Variants in ACOT12 observed in about 807,000 individuals in gnomAD.
ACOT12 encodes acetyl-coenzyme A thioesterase.
In ACOT12, 51 loss-of-function variants were observed where a neutral mutation model predicts 67.7. The ratio of observed to expected loss-of-function variants is 0.75; its 90% confidence interval spans 0.60 to 0.95. ACOT12 has a LOEUF of 0.95. Ranked by LOEUF, ACOT12 falls within the 40% of genes least tolerant of loss-of-function variation. The probability of loss-of-function intolerance (pLI) is 0.00; values close to 1 mark genes in which losing one functional copy is unlikely to be tolerated. For missense variants in ACOT12, 734 were observed against 708.1 expected (o/e 1.04, Z -0.41); for synonymous variants, 251 against 244.6 (o/e 1.03, Z -0.24).
intron 7 of ACOT12, among the ~76,000 whole-genome samples, 198 bp from the exon 8 acceptor site, chr5:81,345,239 T>C (rs1759343711): frequency 2.0e-5 from 3 of 152,158 alleles, no homozygotes; most frequent in Non-Finnish European, 4.4e-5. Context: ...GGCTGCTTTT[T>C]ACAAGCCCCT....
the ACOT12 span, among the ~76,000 whole-genome samples, chr5:81,323,061 A>T: frequency 6.9e-6 from 1 of 144,068 alleles, no homozygotes; most frequent in African/African-American, 2.6e-5. Flanking sequence ...CTGAGGAAGG[A>T]GCATGCCTGG....
In ACOT12 at chr5:81,332,588, T is replaced by C. The variant is rs1352771593; in HGVS notation, c.1280A>G (p.Asp427Gly). The change falls in exon 13 of 15, where the codon GAC becomes GGC. Residue 427 changes from aspartate (D) to glycine (G), a missense_variant. Physicochemically the swap from Asp to Gly is moderately conservative, Grantham distance 94 (BLOSUM62 -1). Transcript: ENST00000307624. ...DPHFVSCEVI[D>G]WVSEDDQLYH... ...CAGCTGATCATCTTCACTCACCCAGTCTATGACTTCACAGGACCTGTGTAT... is the reference window on the plus strand; with the variant it reads ...CAGCTGATCATCTTCACTCACCCAGCCTATGACTTCACAGGACCTGTGTAT... 3 of 1,613,946 alleles carry C rather than the reference T, an allele frequency of 1.9e-6. No individual in the cohort carries two copies. The highest frequency in any genetic ancestry group is 2.5e-6 in the Non-Finnish European group (3 of 1,180,000).
chr5:81,376,155 C>T (rs997613829), intron 2 of ACOT12, among the ~76,000 whole-genome samples: 1 of 152,072 alleles, frequency 6.6e-6, no homozygotes, highest in African/African-American at 2.4e-5. Context: ...GACCACAGTG[C>T]AATCAAATTA....
the ACOT12 span, chr5:81,308,926 G>A: frequency 6.2e-7 from 1 of 1,602,066 alleles, no homozygotes; most frequent in African/African-American, 1.3e-5. Flanking sequence ...CAACTGAATA[G>A]GAACTGTTGA....
chr5:81,332,203 G>C (rs1457536484), intron 13 of ACOT12, among the ~76,000 whole-genome samples: 2 of 152,142 alleles, frequency 1.3e-5, no homozygotes, highest in Non-Finnish European at 2.9e-5. Context: ...ACTAATCATG[G>C]TATGTTTCAA....
intron 9 of ACOT12, 25 bp from the exon 10 acceptor site, chr5:81,343,906 A>T: frequency 6.2e-7 from 1 of 1,601,604 alleles, no homozygotes; most frequent in South Asian, 1.1e-5. Flanking sequence ...TAAAGTGTTA[A>T]ATGACAGTTT....
At chr5:81,344,338 T>C in intron 8 of ACOT12, 123 bp from the exon 9 acceptor site, 1 of 918,364 alleles carries the variant, frequency 1.1e-6, no homozygotes, top group South Asian at 2.0e-5. Flanking sequence ...GTGGTGTCTC[T>C]CCATGAACTG....
intron 12 of ACOT12, 25 bp downstream of exon 12, chr5:81,335,743 G>A: frequency 6.2e-7 from 1 of 1,602,240 alleles, no homozygotes; most frequent in South Asian, 1.1e-5. Flanking sequence ...GGTTGATTGA[G>A]AAAAATTTTT....
At chr5:81,362,380 G>A (rs1373981007) in intron 4 of ACOT12, among the ~76,000 whole-genome samples, 1 of 151,954 alleles carries the variant, frequency 6.6e-6, no homozygotes, top group Admixed American at 6.6e-5. Flanking sequence ...TGGCCAGGCT[G>A]GTCTTGAACT....
the ACOT12 span, among the ~76,000 whole-genome samples, chr5:81,323,919 C>CGTGTATATATACACATAT: frequency 2.1e-5 from 3 of 142,926 alleles, no homozygotes; most frequent in African/African-American, 7.6e-5. Flanking sequence ...CGTATATATA[C>CGTGTATATATACACATAT]GTGTATATAT....
chr5:81,347,766 C>T lies in ACOT12; in HGVS notation c.653+8G>A. On this transcript the variant is annotated splice_region_variant and intron_variant, in intron 6 of 14. Coordinates refer to ENST00000307624, the MANE Select transcript of ACOT12 (RefSeq NM_130767.3). Reference sequence around the variant, plus strand: ...CAAAATCATAGGCCGAAGGTCAAAACCAAGAACCTTGCAGAAATAGTAGCC... The same window carrying T: ...CAAAATCATAGGCCGAAGGTCAAAATCAAGAACCTTGCAGAAATAGTAGCC... 17 of 1,613,454 alleles carry T rather than the reference C, an allele frequency of 1.1e-5. No individual in the cohort carries two copies. The highest frequency in any genetic ancestry group is 1.4e-5 in the Non-Finnish European group (16 of 1,179,640).
At chr5:81,392,412 A>G (rs561062278) in intron 1 of ACOT12, among the ~76,000 whole-genome samples, 3 of 152,302 alleles carry the variant, frequency 2.0e-5, no homozygotes, top group Admixed American at 6.5e-5. Flanking sequence ...TATTAGTAAC[A>G]TTATCAGTTA....
In ACOT12 at chr5:81,340,119, C is replaced by T. The variant is rs531961165; in HGVS notation, c.1128+2553G>A. Among the ~76,000 whole-genome samples, 5 of 151,774 alleles carry T rather than the reference C, an allele frequency of 3.3e-5. No individual in the cohort carries two copies. In the East Asian group the frequency reaches 9.7e-4, roughly 29 times the overall value. Reference sequence around the variant, plus strand: ...GCTGCACAATCTCGGCTCACTGCAACCTCTGCCTCCCAGGTTCAAGTGATT... The same window carrying T: ...GCTGCACAATCTCGGCTCACTGCAATCTCTGCCTCCCAGGTTCAAGTGATT... On this transcript the variant is annotated intron_variant, in intron 11 of 14. Transcript: ENST00000307624.
chr5:81,366,153 A>G (rs1029888835), intron 3 of ACOT12, among the ~76,000 whole-genome samples: 1 of 152,228 alleles, frequency 6.6e-6, no homozygotes, highest in African/African-American at 2.4e-5. Context: ...AAAGTAGAGT[A>G]TTCTAAATCT....
intron 11 of ACOT12, among the ~76,000 whole-genome samples, chr5:81,338,632 C>T (rs569838862): frequency 3.6e-4 from 54 of 152,004 alleles, no homozygotes; most frequent in Non-Finnish European, 5.7e-4. Context: ...TGAACTAATA[C>T]GCCAACTCAA....
chr5:81,342,067 T>C (rs1294053917), intron 11 of ACOT12, among the ~76,000 whole-genome samples: 1 of 152,200 alleles, frequency 6.6e-6, no homozygotes, highest in Non-Finnish European at 1.5e-5. Context: ...CATAGCTCAC[T>C]GGAGGCTGAA....
chr5:81,384,925 G>T lies in ACOT12; in HGVS notation c.197+832C>A, dbSNP rs912985873. Among the ~76,000 whole-genome samples the T allele has an allele frequency of 2.6e-5, 4 of 152,126 alleles. No individual in the cohort carries two copies. The South Asian group carries it at 6.2e-4, about 24-fold the overall frequency. On this transcript the variant is annotated intron_variant, in intron 2 of 14. Transcript: ENST00000307624. ...TTTATAGGCTGGTGGAAAAGTAATC[G>T]CAGTTTTCTCAATTACCAACCTAAA...
intron 8 of ACOT12, 36 bp downstream of exon 8, chr5:81,344,855 G>A: frequency 1.2e-6 from 2 of 1,611,852 alleles, no homozygotes; most frequent in Non-Finnish European, 1.7e-6. Flanking sequence ...TCTATTCACA[G>A]GTCCGGCTAT....
At chr5:81,321,749 C>T in the ACOT12 span, among the ~76,000 whole-genome samples, 2 of 151,994 alleles carry the variant, frequency 1.3e-5, no homozygotes, top group Admixed American at 6.6e-5. Context: ...GAGTTCAAGA[C>T]CAGCCTGGGC....
Sources: gnomAD v4.1 joint callset for allele counts (sites outside exome capture counted in the v4.1 genomes callset) on GRCh38, gnomAD v4.1.1 for gene constraint, MANE v1.5 for transcripts, NCBI Gene and HGNC (gene_info 2026-07-23, HGNC 2026-07-21) for gene names.